The following TAFA4 variants were observed in gnomAD, a reference collection of about 807,000 sequenced individuals.
TAFA4 encodes TAFA chemokine like family member 4.
In TAFA4, 20 loss-of-function variants were observed where a neutral mutation model predicts 21.1. That is an observed-to-expected ratio of 0.95 (90% CI 0.67 to 1.38). The LOEUF is 1.38. TAFA4 is among the 40% of genes most tolerant of loss of function. TAFA4 has a pLI of 0.00. For missense variants in TAFA4, 211 were observed against 180.9 expected (o/e 1.17, Z -0.95); for synonymous variants, 71 against 67.4 (o/e 1.05, Z -0.26).
At chr3:68,842,593 G>T (rs1441267508) in intron 3 of TAFA4, among the ~76,000 whole-genome samples, 1 of 152,104 alleles carries the variant, frequency 6.6e-6, no homozygotes, top group South Asian at 2.1e-4. Context: ...ATTGCTTTTG[G>T]TGTTTTAGCC....
At chr3:68,769,864 TC>T (rs1486485472) in intron 3 of TAFA4, among the ~76,000 whole-genome samples, 2 of 152,200 alleles carry the variant, frequency 1.3e-5, no homozygotes, top group African/African-American at 2.4e-5. Context: ...TGTGGATGGA[TC>T]CCTGTAGTAA....
At chr3:68,929,166 T>G (rs1351220966) in intron 1 of TAFA4, among the ~76,000 whole-genome samples, 1 of 152,182 alleles carries the variant, frequency 6.6e-6, no homozygotes, top group Non-Finnish European at 1.5e-5. Context: ...CATTACAAAG[T>G]GCAGTGCCAT....
intron 3 of TAFA4, among the ~76,000 whole-genome samples, chr3:68,872,811 GGAA>G (rs1247160474): frequency 6.6e-6 from 1 of 152,104 alleles, no homozygotes; most frequent in Non-Finnish European, 1.5e-5. Flanking sequence ...CTCACTTCCA[GGAA>G]GAAGAAACTG....
At chr3:68,803,971 A>G (rs1238706677) in intron 3 of TAFA4, among the ~76,000 whole-genome samples, 1 of 151,702 alleles carries the variant, frequency 6.6e-6, no homozygotes, top group East Asian at 1.9e-4. Flanking sequence ...TATTTTTAGT[A>G]GAGATGGGGT....
intron 2 of TAFA4, among the ~76,000 whole-genome samples, chr3:68,881,519 C>A (rs2089618211): frequency 6.6e-6 from 1 of 152,160 alleles, no homozygotes; most frequent in African/African-American, 2.4e-5. Flanking sequence ...ACATTATTCC[C>A]AGCTGCCTAA....
chr3:68,921,069 G>T (rs920500043), intron 1 of TAFA4, among the ~76,000 whole-genome samples: 1 of 152,092 alleles, frequency 6.6e-6, no homozygotes, highest in African/African-American at 2.4e-5. Context: ...GTTGGGCAGA[G>T]ATGACCAATG....
chr3:68,731,804 A>C lies in TAFA4; in HGVS notation c.*1338T>G, dbSNP rs1420847611. ...ATGAATTTTTTTACTTATTCATATG[A>C]TCATAACAAATATTCAAAAATTACG... On this transcript the variant is annotated 3_prime_UTR_variant, in exon 6 of 6. Coordinates refer to ENST00000295569, the MANE Select transcript of TAFA4 (RefSeq NM_182522.5). The C allele has an allele frequency of 6.6e-6, 1 of 152,108 alleles. No homozygotes were observed. The highest frequency in any genetic ancestry group is 2.4e-5 in the African/African-American group (1 of 41,436). 9.4% of individuals were successfully genotyped at this position (152,108 alleles called of 1,614,324 possible).
intron 3 of TAFA4, among the ~76,000 whole-genome samples, chr3:68,877,378 T>C (rs903971482): frequency 1.3e-5 from 2 of 152,094 alleles, no homozygotes; most frequent in Non-Finnish European, 2.9e-5. Flanking sequence ...ATTGATTAAT[T>C]AAAATAAAGT....
intron 3 of TAFA4, among the ~76,000 whole-genome samples, chr3:68,781,973 C>T (rs1475772758): frequency 6.6e-6 from 1 of 152,054 alleles, no homozygotes; most frequent in Non-Finnish European, 1.5e-5. Context: ...CACCAAAACA[C>T]AAGCAAAGAA....
At chr3:68,770,604 GAC>G (rs143773891) in intron 3 of TAFA4, among the ~76,000 whole-genome samples, 12,945 of 152,252 alleles carry the variant, frequency 0.085, 667 homozygotes, top group African/African-American at 0.14. Context: ...TAGATCCACA[GAC>G]AGTTTTTAAG....
At chr3:68,840,114 A>G (rs1704623770) in intron 3 of TAFA4, among the ~76,000 whole-genome samples, 1 of 152,102 alleles carries the variant, frequency 6.6e-6, no homozygotes, top group Non-Finnish European at 1.5e-5. Context: ...AGATGGTGAG[A>G]CTCAAGGACC....
At chr3:68,809,381 A>G (rs779011429) in intron 3 of TAFA4, among the ~76,000 whole-genome samples, 11 of 152,254 alleles carry the variant, frequency 7.2e-5, no homozygotes, top group Non-Finnish European at 1.2e-4. Flanking sequence ...AAAGTTCACT[A>G]TAACAGTATG....
At chr3:68,736,419 C>T (rs539401879) in intron 5 of TAFA4, among the ~76,000 whole-genome samples, 7 of 152,248 alleles carry the variant, frequency 4.6e-5, no homozygotes, top group Middle Eastern at 3.4e-3. Context: ...GAATTATCCT[C>T]TCTCTTTTCA....
chr3:68,833,722 C>A (rs968436086), intron 3 of TAFA4, among the ~76,000 whole-genome samples: 1 of 152,098 alleles, frequency 6.6e-6, no homozygotes, highest in Non-Finnish European at 1.5e-5. Context: ...TCTTAGCCCC[C>A]TATCCACAAC....
At chr3:68,846,592 G>A (rs1177030507) in intron 3 of TAFA4, among the ~76,000 whole-genome samples, 3 of 152,102 alleles carry the variant, frequency 2.0e-5, no homozygotes, top group Admixed American at 1.3e-4. Context: ...TGAAAGAGAA[G>A]AGGCATTCTG....
At chr3:68,917,753 C>CCAAAAAAAAAAA (rs764665164) in intron 1 of TAFA4, among the ~76,000 whole-genome samples, 1 of 58,202 alleles carries the variant, frequency 1.7e-5, no homozygotes, top group African/African-American at 6.4e-5. Context: ...GACTCTGTCT[C>CCAAAAAAAAAAA]AAAAAAAAAA....
intron 3 of TAFA4, among the ~76,000 whole-genome samples, chr3:68,811,715 G>C (rs1703844074): frequency 6.6e-6 from 1 of 152,246 alleles, no homozygotes. Flanking sequence ...ATCTGAAAGT[G>C]ACGGGGAGAA....
chr3:68,885,103 A>G, intron 2 of TAFA4, 72 bp downstream of exon 2: 10 of 1,450,568 alleles, frequency 6.9e-6, no homozygotes, highest in Non-Finnish European at 9.6e-6. Flanking sequence ...CAACTCCAGG[A>G]TACTCACTTT....
At chr3:68,924,914 G>A (rs772803171) in intron 1 of TAFA4, among the ~76,000 whole-genome samples, 5 of 152,300 alleles carry the variant, frequency 3.3e-5, no homozygotes, top group Admixed American at 6.5e-5. Flanking sequence ...TCATGGGGAT[G>A]TTTAAATGTT....
Sources: gnomAD v4.1 joint callset for allele counts (sites outside exome capture counted in the v4.1 genomes callset) on GRCh38, gnomAD v4.1.1 for gene constraint, MANE v1.5 for transcripts, NCBI Gene and HGNC (gene_info 2026-07-23, HGNC 2026-07-21) for gene names.